IL21R: variants seen among roughly 807,000 people sequenced by gnomAD.
IL21R encodes the protein interleukin 21 receptor.
In IL21R, 14 loss-of-function variants were observed where a neutral mutation model predicts 41.3. That is an observed-to-expected ratio of 0.34 (90% CI 0.22 to 0.53). The LOEUF (loss-of-function observed/expected upper bound fraction) is 0.53, where lower values mean the gene tolerates loss of function less well. Ranked by LOEUF, IL21R falls within the 20% of genes least tolerant of loss-of-function variation. The pLI is 0.94. For missense variants in IL21R, 588 were observed against 681.6 expected, an observed-to-expected ratio of 0.86 and a Z score of 1.53; for synonymous variants, 286 against 287.6, an observed-to-expected ratio of 0.99 and a Z score of 0.05.
chr16:27,449,683 C>G lies in IL21R; in HGVS notation c.*400C>G, dbSNP rs2141321605. 1 of 256,122 alleles carries G rather than the reference C, an allele frequency of 3.9e-6. No individual in the cohort carries two copies. Among genetic ancestry groups the G allele is most frequent in the Non-Finnish European group, 7.5e-6 (1 of 132,594 alleles). The allele number at this position is 256,122 out of a possible 1,614,324, so 15.9% of individuals were successfully genotyped here. On this transcript the variant is annotated 3_prime_UTR_variant, in exon 9 of 9. Coordinates refer to ENST00000337929, the MANE Select transcript of IL21R (RefSeq NM_181078.3). ...TCCTCCCTCCTAGGGTCTTGTGTTG[C>G]AAGTTGGTCCACAGCATCTCCGGGG...
chr16:27,446,134 C>G (rs769806275), intron 8 of IL21R, 46 bp downstream of exon 8: 7 of 1,513,770 alleles, frequency 4.6e-6, no homozygotes, highest in African/African-American at 2.7e-5. Context: ...CCCTCCTCCT[C>G]TTCAGGAGCC....
intron 1 of IL21R, among the ~76,000 whole-genome samples, chr16:27,425,673 A>G (rs1401730218): frequency 6.6e-6 from 1 of 151,840 alleles, no homozygotes; most frequent in East Asian, 1.9e-4. Flanking sequence ...CTCCTGTCTC[A>G]GCCTCCTGAG....
intron 2 of IL21R, 64 bp from the exon 3 acceptor site, chr16:27,434,283 G>A (rs1349178557): frequency 3.9e-6 from 4 of 1,029,308 alleles, no homozygotes; most frequent in Non-Finnish European, 6.1e-6. Flanking sequence ...CGAGGGGATG[G>A]AGAGGAAGCT....
intron 1 of IL21R, among the ~76,000 whole-genome samples, chr16:27,411,420 T>G (rs1357873314): frequency 6.6e-6 from 1 of 151,714 alleles, no homozygotes; most frequent in African/African-American, 2.4e-5. Flanking sequence ...TTTGCTGATC[T>G]TCTTTGGGGA....
At chr16:27,446,526 G>A (rs148786787) in intron 8 of IL21R, among the ~76,000 whole-genome samples, 20 of 152,084 alleles carry the variant, frequency 1.3e-4, no homozygotes, top group African/African-American at 4.1e-4. Flanking sequence ...TCGTTCAGAG[G>A]CTGCCGTGAG....
In IL21R at chr16:27,418,315, G is replaced by T. The variant is rs146480839; in HGVS notation, c.-16-11741G>T. Among the ~76,000 whole-genome samples the T allele has an allele frequency of 5.1e-3, 776 of 151,812 alleles. 7 individuals carry two copies. The highest frequency in any genetic ancestry group is 0.025 in the Admixed American group (375 of 15,212). On this transcript the variant is annotated intron_variant, in intron 1 of 8. Coordinates refer to ENST00000337929, the MANE Select transcript of IL21R (RefSeq NM_181078.3). ...GATCTCCTGACCTTGTGATCTGCCCGTCTCGCCCTTCCAAAGCGCTGGGAT... is the reference window on the plus strand; with the variant it reads ...GATCTCCTGACCTTGTGATCTGCCCTTCTCGCCCTTCCAAAGCGCTGGGAT...
chr16:27,436,312 GAGA>G (rs980001107), intron 3 of IL21R, among the ~76,000 whole-genome samples: 1 of 152,272 alleles, frequency 6.6e-6, no homozygotes, highest in African/African-American at 2.4e-5. Flanking sequence ...AACTGCTAGT[GAGA>G]AGGAGGAAGC....
At chr16:27,412,346 TA>T (rs1252947038) in intron 1 of IL21R, among the ~76,000 whole-genome samples, 6 of 152,178 alleles carry the variant, frequency 3.9e-5, no homozygotes, top group African/African-American at 1.4e-4. Context: ...AGCTTTTTAA[TA>T]CATTTTGAAA....
intron 1 of IL21R, among the ~76,000 whole-genome samples, chr16:27,413,604 G>A (rs1472827334): frequency 2.7e-5 from 4 of 146,062 alleles, no homozygotes; most frequent in Non-Finnish European, 4.5e-5. Context: ...GGAGGTTTTC[G>A]ATTACTGATT....
At chr16:27,430,691 T>G (rs941934024) in intron 2 of IL21R, among the ~76,000 whole-genome samples, 1 of 152,098 alleles carries the variant, frequency 6.6e-6, no homozygotes, top group Non-Finnish European at 1.5e-5. Flanking sequence ...AGCGCATGCT[T>G]GTAGTCTCAG....
chr16:27,441,228 C>G (rs183465956), intron 4 of IL21R, among the ~76,000 whole-genome samples: 1 of 152,214 alleles, frequency 6.6e-6, no homozygotes, highest in African/African-American at 2.4e-5. Flanking sequence ...GAAGTTACTG[C>G]CTTCTGCTAA....
intron 1 of IL21R, among the ~76,000 whole-genome samples, chr16:27,412,764 T>C (rs1327875085): frequency 1.3e-5 from 2 of 152,188 alleles, no homozygotes; most frequent in Non-Finnish European, 2.9e-5. Context: ...TTGCTTAAGT[T>C]TCTTTTTGGA....
chr16:27,435,541 C>T (rs1393959171), intron 3 of IL21R, among the ~76,000 whole-genome samples: 5 of 151,704 alleles, frequency 3.3e-5, no homozygotes, highest in Non-Finnish European at 5.9e-5. Flanking sequence ...GTAGCCTTGA[C>T]CTCCTGGGCT....
At chr16:27,421,722 A>G (rs2141274041) in intron 1 of IL21R, among the ~76,000 whole-genome samples, 1 of 152,204 alleles carries the variant, frequency 6.6e-6, no homozygotes, top group Non-Finnish European at 1.5e-5. Flanking sequence ...ACTAGGCTAA[A>G]TTTGTTTATT....
intron 1 of IL21R, among the ~76,000 whole-genome samples, chr16:27,415,261 C>T (rs1325159628): frequency 6.6e-6 from 1 of 152,176 alleles, no homozygotes; most frequent in Non-Finnish European, 1.5e-5. Flanking sequence ...ACCACTGTGC[C>T]CAGATCAGCT....
Position 27,445,987 on chromosome 16 carries a change from AC to A in IL21R, c.786-16del, listed in dbSNP as rs754328966. 1.9e-6 allele frequency: 3 copies of A among 1,602,740 alleles called. No individual in the cohort carries two copies. In the Admixed American group the frequency reaches 5.1e-5, roughly 27 times the overall value. ...GCCCTCTGGTGATGTCAGGGTCCTCACCCCTCTCTGCCCCCTCAGGCTATGG... is the reference window on the plus strand; with the variant it reads ...GCCCTCTGGTGATGTCAGGGTCCTCACCCTCTCTGCCCCCTCAGGCTATGG... On this transcript the variant is annotated intron_variant, in intron 7 of 8. Transcript: ENST00000337929.
chr16:27,440,831 A>C (rs2087375606), intron 4 of IL21R, among the ~76,000 whole-genome samples: 1 of 152,084 alleles, frequency 6.6e-6, no homozygotes, highest in South Asian at 2.1e-4. Flanking sequence ...TGGGTGGATC[A>C]CTTGAGGTCA....
intron 1 of IL21R, among the ~76,000 whole-genome samples, chr16:27,414,866 A>G (rs941475980): frequency 2.6e-5 from 4 of 152,174 alleles, no homozygotes; most frequent in South Asian, 2.1e-4. Context: ...TTCTGCACCA[A>G]AATAAACTTG....
intron 2 of IL21R, among the ~76,000 whole-genome samples, chr16:27,433,073 C>A (rs971559137): frequency 7.2e-5 from 11 of 152,140 alleles, no homozygotes; most frequent in African/African-American, 2.7e-4. Context: ...AGGTTCTGTC[C>A]TAGAGTGAGA....
Sources: gnomAD v4.1 joint callset for allele counts (sites outside exome capture counted in the v4.1 genomes callset) on GRCh38, gnomAD v4.1.1 for gene constraint, MANE v1.5 for transcripts, NCBI Gene and HGNC (gene_info 2026-07-23, HGNC 2026-07-21) for gene names.